Variants in TRDN observed in about 807,000 individuals in gnomAD.
TRDN encodes triadin in skeletal muscle.
A neutral mutation model predicts 149.7 loss-of-function variants in TRDN; 161 were observed. That is an observed-to-expected ratio of 1.08 (90% CI 0.95 to 1.23). The LOEUF is 1.23. Among genes scored for constraint, TRDN ranks in the 50% most tolerant of loss-of-function variants. The probability of loss-of-function intolerance (pLI) is 0.00; values close to 1 mark genes in which losing one functional copy is unlikely to be tolerated. For synonymous variants in TRDN, 294 were observed against 250.5 expected (o/e 1.17, Z -1.64); for missense variants, 896 against 823.5 (o/e 1.09, Z -1.08).
rs147782521 is a variant in TRDN at position 123,329,534 on chromosome 6, C to T, written c.1471+2345G>A. On this transcript the variant is annotated intron_variant, in intron 23 of 40. Transcript: ENST00000334268. ...AAAGAGAAAGCCTAATGAGACAACACCTCCTACAGGTGAAAGTTAAAGTCA... is the reference window on the plus strand; with the variant it reads ...AAAGAGAAAGCCTAATGAGACAACATCTCCTACAGGTGAAAGTTAAAGTCA... Among the ~76,000 whole-genome samples, 15 of 152,160 alleles carry T rather than the reference C, an allele frequency of 9.9e-5. No individual in the cohort carries two copies. The East Asian group carries it at 2.9e-3, about 29-fold the overall frequency.
chr6:123,616,446 GT>G (rs1785089321), intron 1 of TRDN, among the ~76,000 whole-genome samples: 1 of 150,228 alleles, frequency 6.7e-6, no homozygotes, highest in Non-Finnish European at 1.5e-5. Context: ...TGTCTGATAT[GT>G]TGTAGGAACT....
intron 21 of TRDN, chr6:123,352,036 T>G: frequency 1.0e-6 from 1 of 978,412 alleles, no homozygotes; most frequent in Non-Finnish European, 1.2e-6. Context: ...TTCAGACCTC[T>G]TGGGAGAATG....
chr6:123,482,972 A>G (rs1777811572), intron 9 of TRDN, among the ~76,000 whole-genome samples: 1 of 151,966 alleles, frequency 6.6e-6, no homozygotes, highest in Admixed American at 6.6e-5. Context: ...AGACACAAGT[A>G]TGAATGGTCT....
At chr6:123,560,735 C>T (rs374491638) in intron 2 of TRDN, among the ~76,000 whole-genome samples, 2 of 152,192 alleles carry the variant, frequency 1.3e-5, no homozygotes, top group African/African-American at 2.4e-5. Context: ...TCAATCTCTT[C>T]CCACACAAGG....
At chr6:123,399,202 G>A (rs1009142727) in intron 12 of TRDN, among the ~76,000 whole-genome samples, 2 of 152,116 alleles carry the variant, frequency 1.3e-5, no homozygotes, top group African/African-American at 4.8e-5. Context: ...ACCTATAGAT[G>A]TTACACATAA....
At chr6:123,606,674 C>G (rs1042766732) in intron 1 of TRDN, among the ~76,000 whole-genome samples, 1 of 151,914 alleles carries the variant, frequency 6.6e-6, no homozygotes, top group Admixed American at 6.6e-5. Flanking sequence ...TATTTAATAA[C>G]CCATTTTTAA....
At chr6:123,397,712 A>C (rs1023404414) in intron 12 of TRDN, among the ~76,000 whole-genome samples, 1 of 152,204 alleles carries the variant, frequency 6.6e-6, no homozygotes, top group Non-Finnish European at 1.5e-5. Context: ...TTTTAGTAGA[A>C]TATATGGTAA....
chr6:123,289,861 C>T (rs1050237899), intron 24 of TRDN, among the ~76,000 whole-genome samples: 1 of 152,028 alleles, frequency 6.6e-6, no homozygotes, highest in Admixed American at 6.6e-5. Context: ...AATCAGTGTG[C>T]CTGCTATGAG....
chr6:123,500,035 T>C (rs1393419031), intron 8 of TRDN, among the ~76,000 whole-genome samples: 3 of 151,950 alleles, frequency 2.0e-5, no homozygotes, highest in Non-Finnish European at 2.9e-5. Flanking sequence ...ACCTTACTTA[T>C]ATTTCTTATA....
intron 22 of TRDN, among the ~76,000 whole-genome samples, chr6:123,336,875 G>C (rs970042253): frequency 4.6e-5 from 7 of 150,950 alleles, no homozygotes. Context: ...ACATATATAC[G>C]TACTACAGAA....
At chr6:123,375,704 G>T in intron 18 of TRDN, 73 bp from the exon 19 acceptor site, 1 of 1,188,330 alleles carries the variant, frequency 8.4e-7, no homozygotes, top group East Asian at 2.8e-5. Flanking sequence ...ATAATTGTAA[G>T]GTTATCTTAA....
rs1447563143 is a variant in TRDN, at chr6:123,388,569, G to A, written c.1106-18C>T. On this transcript the variant is annotated intron_variant, in intron 13 of 40. Coordinates refer to ENST00000334268, the MANE Select transcript of TRDN (RefSeq NM_006073.4). ...AGCTGCTGCTGAAGTAATGAAAATA[G>A]CGTTAAGGCATATGAAATGACCATT... The A allele has an allele frequency of 6.3e-7, 1 of 1,577,584 alleles. No homozygotes were observed. Among genetic ancestry groups the A allele is most frequent in the East Asian group, 2.3e-5 (1 of 43,806 alleles).
intron 1 of TRDN, among the ~76,000 whole-genome samples, chr6:123,616,840 C>A (rs2114697666): frequency 6.6e-6 from 1 of 152,162 alleles, no homozygotes; most frequent in South Asian, 2.1e-4. Flanking sequence ...ACATTCTGAT[C>A]CCCATTTTTT....
rs1781562480 is a variant in TRDN at position 123,377,700 on chromosome 6, C to CAGTGGTCTTACTCACCTG, written c.1244_1246+15dup. 1 of 1,612,936 alleles carries CAGTGGTCTTACTCACCTG rather than the reference C, an allele frequency of 6.2e-7. No homozygotes were observed. The highest frequency in any genetic ancestry group is 8.5e-7 in the Non-Finnish European group (1 of 1,179,544). ...GACATGAGTATTCGGAATCCAGCAA[C>CAGTGGTCTTACTCACCTG]AGTGGTCTTACTCACCTGAGTGTTC... On this transcript the variant is annotated intron_variant, in intron 18 of 40. Coordinates refer to ENST00000334268, the MANE Select transcript of TRDN (RefSeq NM_006073.4).
In TRDN at chr6:123,553,407, T is replaced by C. The variant is rs953931872; in HGVS notation, c.233-4795A>G. On this transcript the variant is annotated intron_variant, in intron 2 of 40. Transcript: ENST00000334268. Reference sequence around the variant, plus strand: ...CTAGATTTGCCCATCTGCATCTGTCTGATCCACTCCACAGGAAGGCAAGAA... The same window carrying C: ...CTAGATTTGCCCATCTGCATCTGTCCGATCCACTCCACAGGAAGGCAAGAA... Among the ~76,000 whole-genome samples the C allele has an allele frequency of 6.6e-5, 10 of 152,016 alleles. No homozygotes were observed. In the East Asian group the frequency reaches 9.7e-4, roughly 15 times the overall value.
chr6:123,457,812 A>G (rs1583065549), intron 10 of TRDN, among the ~76,000 whole-genome samples: 1 of 152,338 alleles, frequency 6.6e-6, no homozygotes, highest in South Asian at 2.1e-4. Flanking sequence ...TCTTTATTGA[A>G]ATATCTCAAA....
At chr6:123,281,584 C>T (rs1777585461) in intron 24 of TRDN, among the ~76,000 whole-genome samples, 2 of 151,972 alleles carry the variant, frequency 1.3e-5, no homozygotes, top group Non-Finnish European at 2.9e-5. Context: ...ACACAATCCT[C>T]TAAGAAACAT....
intron 2 of TRDN, among the ~76,000 whole-genome samples, chr6:123,556,564 CTCTT>C (rs1323760857): frequency 1.3e-5 from 2 of 151,762 alleles, no homozygotes; most frequent in East Asian, 1.9e-4. Flanking sequence ...TGTTCAGTCT[CTCTT>C]TCTCTATTTC....
At chr6:123,479,878 G>A (rs975789568) in intron 9 of TRDN, among the ~76,000 whole-genome samples, 1 of 152,062 alleles carries the variant, frequency 6.6e-6, no homozygotes, top group East Asian at 1.9e-4. Context: ...CCATAGTACA[G>A]TAGGAAGACA....
Sources: allele counts gnomAD v4.1 joint callset (sites outside exome capture counted in the v4.1 genomes callset), GRCh38; gene constraint gnomAD v4.1.1; transcripts MANE v1.5; gene names NCBI Gene and HGNC (gene_info 2026-07-23, HGNC 2026-07-21).